The following GLIS3 variants were observed in gnomAD, a reference collection of about 807,000 sequenced individuals.
GLIS3 encodes zinc finger protein GLIS3.
Under a neutral mutation model 78.6 loss-of-function variants are expected in GLIS3, and 53 were observed. The observed-to-expected ratio is 0.67, with a 90% CI of 0.54 to 0.85. GLIS3 has a LOEUF of 0.85. GLIS3 is among the 40% of genes least tolerant of loss of function. The probability of loss-of-function intolerance (pLI) is 0.00; values close to 1 mark genes in which losing one functional copy is unlikely to be tolerated. For synonymous variants in GLIS3, 684 were observed against 509.9 expected (o/e 1.34, Z -4.60); for missense variants, 1,703 against 1,231.1 (o/e 1.38, Z -5.74).
chr9:4,235,218 G>A (rs1563802917), intron 2 of GLIS3, among the ~76,000 whole-genome samples: 1 of 149,292 alleles, frequency 6.7e-6, no homozygotes, highest in Non-Finnish European at 1.5e-5. Context: ...AGAATCGCTT[G>A]AACCCGGGAG....
intron 2 of GLIS3, among the ~76,000 whole-genome samples, chr9:4,284,236 C>T (rs1378527509): frequency 1.3e-5 from 2 of 152,140 alleles, no homozygotes; most frequent in Non-Finnish European, 2.9e-5. Flanking sequence ...ACTGAGACTA[C>T]GTATTGGAAA....
Position 4,177,708 on chromosome 9 carries a change from A to G in GLIS3, c.389-51767T>C, listed in dbSNP as rs10465086. ...TAAGATTGGATGAGTTTGGAAAGCC[A>G]GCATCCAAGAGACATAGTAAGAAAT... On this transcript the variant is annotated intron_variant, in intron 2 of 10. Transcript: ENST00000381971. Among the ~76,000 whole-genome samples the G allele has an allele frequency of 4.6e-3, 703 of 152,362 alleles. 13 individuals are homozygous for G. Among genetic ancestry groups the G allele is most frequent in the Admixed American group, 0.042 (641 of 15,304 alleles).
intron 8 of GLIS3, among the ~76,000 whole-genome samples, chr9:3,874,867 G>A (rs1369044210): frequency 1.3e-5 from 2 of 152,144 alleles, no homozygotes; most frequent in African/African-American, 4.8e-5. Context: ...GGGCTCATAG[G>A]AAGCCCTTCA....
At chr9:4,380,489 G>C in the GLIS3 span, among the ~76,000 whole-genome samples, 1 of 152,172 alleles carries the variant, frequency 6.6e-6, no homozygotes, top group African/African-American at 2.4e-5. Context: ...TTAAATGTCA[G>C]AGCTGAAGAC....
At chr9:4,178,492 T>C (rs371729371) in intron 2 of GLIS3, among the ~76,000 whole-genome samples, 3 of 152,322 alleles carry the variant, frequency 2.0e-5, no homozygotes, top group South Asian at 4.1e-4. Context: ...GAGCATCCAA[T>C]GTCTAGACTG....
At chr9:3,979,580 G>A (rs1364710715) in intron 4 of GLIS3, among the ~76,000 whole-genome samples, 1 of 152,068 alleles carries the variant, frequency 6.6e-6, no homozygotes, top group Non-Finnish European at 1.5e-5. Flanking sequence ...CTTCCTTCAG[G>A]AAGCCTTCTT....
chr9:4,029,828 T>G (rs747263666), intron 4 of GLIS3, among the ~76,000 whole-genome samples: 13 of 152,230 alleles, frequency 8.5e-5, no homozygotes, highest in Non-Finnish European at 1.6e-4. Context: ...ACCACATTTT[T>G]TAATCCATTC....
At chr9:3,965,278 T>C (rs1563899241) in intron 4 of GLIS3, among the ~76,000 whole-genome samples, 2 of 142,838 alleles carry the variant, frequency 1.4e-5, no homozygotes, top group Non-Finnish European at 3.0e-5. Flanking sequence ...ACTGCAACCT[T>C]TGCCTCCCAG....
chr9:4,220,674 A>G (rs1821253617), intron 2 of GLIS3, among the ~76,000 whole-genome samples: 1 of 151,704 alleles, frequency 6.6e-6, no homozygotes, highest in Non-Finnish European at 1.5e-5. Flanking sequence ...AGTAGGGTTG[A>G]GCCAGGAGCC....
Position 4,169,925 on chromosome 9 carries a change from C to T in GLIS3, c.389-43984G>A, listed in dbSNP as rs181201114. 5.3e-3 allele frequency among the ~76,000 whole-genome samples: 806 copies of T among 152,004 alleles called. 5 individuals carry two copies. Among genetic ancestry groups the T allele is most frequent in the Non-Finnish European group, 8.6e-3 (586 of 67,968 alleles). On this transcript the variant is annotated intron_variant, in intron 2 of 10. Transcript: ENST00000381971. ...TAATTAGCAATCAGTAAATATTGAC[C>T]AAATGTCGCTTCAATTTCTCTTAGA...
chr9:3,898,460 A>C, intron 7 of GLIS3: 1 of 562,270 alleles, frequency 1.8e-6, no homozygotes, highest in South Asian at 1.9e-5. Context: ...GCAGAAGTCC[A>C]TAACTAAAAG....
chr9:4,021,670 T>G (rs964225197), intron 4 of GLIS3, among the ~76,000 whole-genome samples: 1 of 152,182 alleles, frequency 6.6e-6, no homozygotes, highest in Non-Finnish European at 1.5e-5. Flanking sequence ...ATGAGGTTAC[T>G]GCCACCGTTC....
At chr9:3,857,636 G>T (rs938830344) in intron 8 of GLIS3, among the ~76,000 whole-genome samples, 2 of 152,220 alleles carry the variant, frequency 1.3e-5, no homozygotes, top group Non-Finnish European at 2.9e-5. Context: ...AACCAGCTGG[G>T]TTGGGATGCC....
At chr9:3,955,232 T>C (rs1588307232) in intron 4 of GLIS3, among the ~76,000 whole-genome samples, 1 of 152,168 alleles carries the variant, frequency 6.6e-6, no homozygotes, top group Admixed American at 6.5e-5. Flanking sequence ...TCTTTAGTCA[T>C]TGCACCCATG....
the GLIS3 span, among the ~76,000 whole-genome samples, chr9:4,395,422 C>T: frequency 6.6e-6 from 1 of 152,122 alleles, no homozygotes; most frequent in Non-Finnish European, 1.5e-5. Flanking sequence ...AGATTTTAAT[C>T]CACCTGCCTT....
intron 4 of GLIS3, chr9:4,035,044 T>C (rs773250666): frequency 2.6e-5 from 4 of 152,124 alleles, no homozygotes; most frequent in Non-Finnish European, 4.4e-5. Flanking sequence ...ATAGAAGAAC[T>C]GCAGATGAGA....
the GLIS3 span, among the ~76,000 whole-genome samples, chr9:4,384,096 T>C: frequency 6.6e-6 from 1 of 152,326 alleles, no homozygotes; most frequent in East Asian, 1.9e-4. Context: ...CTGAAGAAGT[T>C]GTGGCCTTTG....
intron 4 of GLIS3, among the ~76,000 whole-genome samples, chr9:4,008,065 G>C (rs1342085117): frequency 1.3e-5 from 2 of 152,110 alleles, no homozygotes; most frequent in East Asian, 1.9e-4. Context: ...TAATTCCACA[G>C]TTTCTTAGAT....
rs774796300 is a variant in GLIS3 at position 4,117,993 on chromosome 9, G to A, written c.1485C>T (p.Gly495=). ...AGCGGCAGCAATGCTTGCCCCCGAT[G>A]CCGTCCATCTCCCCGTCGTCGTCCA... ...ATLDDDGEMD[G]IGGKHCCRWI... The change falls in exon 4 of 11, where the codon GGC becomes GGT. Residue 495 remains glycine (G), a synonymous_variant. Coordinates refer to ENST00000381971, the MANE Select transcript of GLIS3 (RefSeq NM_001042413.2). 3 of 1,611,490 alleles carry A rather than the reference G, an allele frequency of 1.9e-6. No individual in the cohort carries two copies. Among genetic ancestry groups the A allele is most frequent in the Non-Finnish European group, 2.5e-6 (3 of 1,179,142 alleles).
Sources: gnomAD v4.1 joint callset for allele counts (sites outside exome capture counted in the v4.1 genomes callset) on GRCh38, gnomAD v4.1.1 for gene constraint, MANE v1.5 for transcripts, NCBI Gene and HGNC (gene_info 2026-07-23, HGNC 2026-07-21) for gene names.